Variants in DEPTOR observed in about 807,000 individuals in gnomAD.
DEPTOR encodes the protein DEP domain containing MTOR interacting protein.
DEPTOR carries 41 observed loss-of-function variants against 41.6 expected under a neutral mutation model. The observed-to-expected ratio is 0.98, with a 90% confidence interval of 0.77 to 1.28. The LOEUF (loss-of-function observed/expected upper bound fraction) is 1.28. DEPTOR is among the 50% of genes most tolerant of loss of function. The pLI is 0.00. For synonymous variants in DEPTOR, 195 were observed against 192.3 expected, an observed-to-expected ratio of 1.01 and a Z score of -0.12; for missense variants, 514 against 527.9, an observed-to-expected ratio of 0.97 and a Z score of 0.26.
In DEPTOR at chr8:119,886,330, C is replaced by T. The variant is rs529960067; in HGVS notation, c.122+12362C>T. Reference sequence around the variant, plus strand: ...GTATTTCCATTCAGGACTCCAATCACAAGTCCTGAGGTTCACCCTGACTTC... The same window carrying T: ...GTATTTCCATTCAGGACTCCAATCATAAGTCCTGAGGTTCACCCTGACTTC... On this transcript the variant is annotated intron_variant, in intron 1 of 8. Transcript: ENST00000286234. Among the ~76,000 whole-genome samples, 12 of 152,264 alleles carry T rather than the reference C, an allele frequency of 7.9e-5. No homozygotes were observed. The South Asian group carries it at 2.5e-3, about 32-fold the overall frequency.
intron 4 of DEPTOR, among the ~76,000 whole-genome samples, chr8:119,990,832 T>C (rs1586647581): frequency 6.6e-6 from 1 of 152,316 alleles, no homozygotes; most frequent in Non-Finnish European, 1.5e-5. Context: ...ACTGTTGTTA[T>C]TGCCTTTTGG....
At chr8:120,027,653 C>T (rs956775231) in intron 8 of DEPTOR, among the ~76,000 whole-genome samples, 5 of 151,108 alleles carry the variant, frequency 3.3e-5, no homozygotes, top group Non-Finnish European at 1.5e-5. Flanking sequence ...TGCAGTGAGC[C>T]GAGATTGCAC....
chr8:120,047,730 A>G (rs1813173357), intron 8 of DEPTOR, among the ~76,000 whole-genome samples: 1 of 152,042 alleles, frequency 6.6e-6, no homozygotes, highest in Non-Finnish European at 1.5e-5. Flanking sequence ...TGTGTGACAG[A>G]GGACACACAA....
chr8:119,874,069 C>T, intron 1 of DEPTOR, 101 bp downstream of exon 1: 2 of 1,559,208 alleles, frequency 1.3e-6, no homozygotes, highest in African/African-American at 1.4e-5. Context: ...GCTTGCGACT[C>T]GCGTGGGGCG....
chr8:120,003,122 A>C lies in DEPTOR; in HGVS notation c.925+11A>C. ...GCAACCCCAAGTCCGGTGAGTGCCC[A>C]AAAGGTGGCCCCGCTCCTAAGACTG... On this transcript the variant is annotated intron_variant, in intron 6 of 8. Transcript: ENST00000286234. 1 of 1,609,470 alleles carries C rather than the reference A, an allele frequency of 6.2e-7. No homozygotes were observed. The highest frequency in any genetic ancestry group is 1.1e-5 in the South Asian group (1 of 90,976).
At chr8:120,021,973 T>G (rs544704716) in intron 8 of DEPTOR, among the ~76,000 whole-genome samples, 1 of 151,996 alleles carries the variant, frequency 6.6e-6, no homozygotes, top group African/African-American at 2.4e-5. Flanking sequence ...TAGCAAGACC[T>G]CACCTCTACA....
chr8:120,017,337 G>A (rs2130125533), intron 8 of DEPTOR, among the ~76,000 whole-genome samples: 1 of 152,244 alleles, frequency 6.6e-6, no homozygotes. Context: ...GTCAGAGTTA[G>A]ATTCAAATCT....
In DEPTOR at chr8:119,905,375, T is replaced by C. The variant is rs529784885; in HGVS notation, c.123-23025T>C. Among the ~76,000 whole-genome samples the C allele has an allele frequency of 3.9e-5, 6 of 152,306 alleles. 1 individual carries two copies. Among genetic ancestry groups the C allele is most frequent in the Middle Eastern group, 6.8e-3 (2 of 294 alleles). Reference sequence around the variant, plus strand: ...GGAGAGTGAGATAGCCAAGACTTCCTGCAGCAGGTGACAGCTGAGTGAGGT... The same window carrying C: ...GGAGAGTGAGATAGCCAAGACTTCCCGCAGCAGGTGACAGCTGAGTGAGGT... On this transcript the variant is annotated intron_variant, in intron 1 of 8. Coordinates refer to ENST00000286234, the MANE Select transcript of DEPTOR (RefSeq NM_022783.4).
At chr8:119,929,663 T>C in intron 2 of DEPTOR, 152 bp from the exon 3 acceptor site, 1 of 1,023,928 alleles carries the variant, frequency 9.8e-7, no homozygotes, top group South Asian at 2.0e-5. Flanking sequence ...ACTATGTAAC[T>C]ATTTTACAAG....
chr8:120,020,981 C>A (rs373296891), intron 8 of DEPTOR, among the ~76,000 whole-genome samples: 2 of 151,630 alleles, frequency 1.3e-5, no homozygotes, highest in Admixed American at 1.3e-4. Context: ...ATCACTCGAA[C>A]CTTGGAGGCA....
chr8:120,001,874 G>A (rs1447296262), intron 5 of DEPTOR, among the ~76,000 whole-genome samples, 164 bp downstream of exon 5: 1 of 152,044 alleles, frequency 6.6e-6, no homozygotes. Context: ...AGTTTTTCTT[G>A]CACAGCCAAC....
chr8:119,970,656 C>T (rs767224235), intron 4 of DEPTOR, among the ~76,000 whole-genome samples: 1 of 152,062 alleles, frequency 6.6e-6, no homozygotes, highest in Non-Finnish European at 1.5e-5. Context: ...TTTTCAGAGA[C>T]CTATGAACAT....
chr8:119,988,367 T>C (rs1308184442), intron 4 of DEPTOR, among the ~76,000 whole-genome samples: 4 of 152,196 alleles, frequency 2.6e-5, no homozygotes, highest in African/African-American at 9.6e-5. Context: ...CCCAATGAGA[T>C]GAACCGGGTA....
chr8:119,940,333 A>G (rs530824074), intron 3 of DEPTOR, among the ~76,000 whole-genome samples: 173 of 152,336 alleles, frequency 1.1e-3, no homozygotes, highest in African/African-American at 4.0e-3. Flanking sequence ...TGGCACACCC[A>G]TATTTCTAAA....
intron 4 of DEPTOR, among the ~76,000 whole-genome samples, chr8:119,972,977 T>G (rs1309514960): frequency 6.6e-6 from 1 of 152,044 alleles, no homozygotes; most frequent in Non-Finnish European, 1.5e-5. Context: ...TTCGCTCTTG[T>G]TGCCCAGGCT....
chr8:119,874,923 C>A (rs1366269556), intron 1 of DEPTOR, among the ~76,000 whole-genome samples: 1 of 152,140 alleles, frequency 6.6e-6, no homozygotes, highest in African/African-American at 2.4e-5. Context: ...TGTACGCGGG[C>A]CCCTGTTACT....
At chr8:120,040,333 T>C (rs766492540) in intron 8 of DEPTOR, among the ~76,000 whole-genome samples, 2 of 151,764 alleles carry the variant, frequency 1.3e-5, no homozygotes, top group Non-Finnish European at 2.9e-5. Flanking sequence ...TCCCAGCACT[T>C]TGGGAGGCCG....
chr8:119,930,475 G>C lies in DEPTOR; in HGVS notation c.425+537G>C, dbSNP rs542488521. Among the ~76,000 whole-genome samples, 89 of 152,266 alleles carry C rather than the reference G, an allele frequency of 5.8e-4. 2 individuals are homozygous for C. The South Asian group carries it at 0.012, about 20-fold the overall frequency. ...TTTTCTCAAACTCCTGACCTCAGGT[G>C]ATCTACCAACTTCGGCCTCCCAAAG... is the stretch of plus-strand genomic sequence containing the variant. On this transcript the variant is annotated intron_variant, in intron 3 of 8. Transcript: ENST00000286234.
At chr8:119,998,055 A>G (rs1812296643) in intron 4 of DEPTOR, among the ~76,000 whole-genome samples, 1 of 152,200 alleles carries the variant, frequency 6.6e-6, no homozygotes, top group African/African-American at 2.4e-5. Flanking sequence ...TAGTCAACCT[A>G]ACTCAATACA....
Sources: allele counts gnomAD v4.1 joint callset (sites outside exome capture counted in the v4.1 genomes callset), GRCh38; gene constraint gnomAD v4.1.1; transcripts MANE v1.5; gene names NCBI Gene and HGNC (gene_info 2026-07-23, HGNC 2026-07-21).